Variants in ROS1 observed in about 807,000 individuals in gnomAD.
The protein encoded by ROS1 is ROS proto-oncogene 1, receptor tyrosine kinase.
ROS1 carries 263 observed loss-of-function variants against 273.5 expected under a neutral mutation model. The ratio of observed to expected loss-of-function variants is 0.96; its 90% CI spans 0.87 to 1.06. ROS1 has a LOEUF of 1.06. ROS1 is among the 50% of genes least tolerant of loss of function. The probability of loss-of-function intolerance (pLI) is 0.00; values close to 1 mark genes in which losing one functional copy is unlikely to be tolerated. For synonymous variants in ROS1, 1,008 were observed against 954.1 expected, an observed-to-expected ratio of 1.06 and a Z score of -1.04; for missense variants, 2,833 against 2,751.1, an observed-to-expected ratio of 1.03 and a Z score of -0.67.
intron 17 of ROS1, among the ~76,000 whole-genome samples, chr6:117,381,711 G>A (rs1459794355): frequency 6.6e-6 from 1 of 152,100 alleles, no homozygotes; most frequent in Non-Finnish European, 1.5e-5. Context: ...AAACATATGT[G>A]TGCAGGTGTC....
In ROS1 at chr6:117,417,940, T is replaced by C. The variant is rs530580246; in HGVS notation, c.168+522A>G. 5.8e-4 allele frequency among the ~76,000 whole-genome samples: 89 copies of C among 152,326 alleles called. 1 individual carries two copies. The highest frequency in any genetic ancestry group is 2.5e-3 in the South Asian group (12 of 4,828). On this transcript the variant is annotated intron_variant, in intron 2 of 43. Coordinates refer to ENST00000368507, the MANE Select transcript of ROS1 (RefSeq NM_001378902.1). Reference sequence around the variant, plus strand: ...TTCTGATGATGCTGTCTGGCCATAATTTTATGCATATGTCTGTCTCTCTGG... The same window carrying C: ...TTCTGATGATGCTGTCTGGCCATAACTTTATGCATATGTCTGTCTCTCTGG...
chr6:117,380,567 G>T lies in ROS1; in HGVS notation c.2482-1408C>A, dbSNP rs533480448. ...GTTATTTACAATGAGATACACTAGA[G>T]TTTCTACATTACAAATTAAGTCTAT... is the stretch of plus-strand genomic sequence containing the variant. On this transcript the variant is annotated intron_variant, in intron 17 of 43. Coordinates refer to ENST00000368507, the MANE Select transcript of ROS1 (RefSeq NM_001378902.1). Among the ~76,000 whole-genome samples the T allele has an allele frequency of 5.9e-5, 9 of 151,758 alleles. No individual in the cohort carries two copies. The East Asian group carries it at 1.7e-3, about 29-fold the overall frequency.
intron 18 of ROS1, among the ~76,000 whole-genome samples, chr6:117,369,481 G>A (rs1350152465): frequency 6.6e-6 from 1 of 152,074 alleles, no homozygotes; most frequent in Non-Finnish European, 1.5e-5. Context: ...GGCTGAGGCA[G>A]GAGAATGGCA....
At chr6:117,411,722 T>C (rs1250128290) in intron 4 of ROS1, among the ~76,000 whole-genome samples, 4 of 152,188 alleles carry the variant, frequency 2.6e-5, no homozygotes, top group African/African-American at 9.7e-5. Context: ...CCCTTAAAAA[T>C]TATTCATTCA....
At chr6:117,336,753 T>C (rs1020202208) in intron 32 of ROS1, among the ~76,000 whole-genome samples, 2 of 152,124 alleles carry the variant, frequency 1.3e-5, no homozygotes, top group African/African-American at 2.4e-5. Flanking sequence ...TCCATTCTTA[T>C]AGAGCTCATC....
intron 27 of ROS1, among the ~76,000 whole-genome samples, chr6:117,349,993 C>T (rs1031954971): frequency 6.6e-6 from 1 of 151,928 alleles, no homozygotes; most frequent in Non-Finnish European, 1.5e-5. Flanking sequence ...TATGTTATTG[C>T]TATTACTATT....
At chr6:117,294,407 T>C (rs185606177) in intron 43 of ROS1, among the ~76,000 whole-genome samples, 18 of 152,172 alleles carry the variant, frequency 1.2e-4, no homozygotes, top group African/African-American at 4.3e-4. Context: ...TTCCACAAAA[T>C]GTGTCTTCAA....
rs145850841 is a variant in ROS1, at chr6:117,409,762, G to A, written c.256-120C>T. Reference sequence around the variant, plus strand: ...GCAAGTATATCTTTGACCAATATACGAGTAAATCTTTGAAATCGGAGTGCC... The same window carrying A: ...GCAAGTATATCTTTGACCAATATACAAGTAAATCTTTGAAATCGGAGTGCC... On this transcript the variant is annotated intron_variant, in intron 4 of 43. Coordinates refer to ENST00000368507, the MANE Select transcript of ROS1 (RefSeq NM_001378902.1). 42 of 739,768 alleles carry A rather than the reference G, an allele frequency of 5.7e-5. No homozygotes were observed. In the African/African-American group the frequency reaches 6.0e-4, roughly 11 times the overall value. The allele number at this position is 739,768 out of a possible 1,614,324, so 45.8% of individuals were successfully genotyped here. A position where few individuals can be genotyped will look rare whatever the true frequency, so the allele number is the denominator to read the frequency against.
chr6:117,326,127 A>G (rs893052986), intron 34 of ROS1, 97 bp downstream of exon 34: 1 of 344,400 alleles, frequency 2.9e-6, no homozygotes, highest in Non-Finnish European at 5.0e-6. Context: ...ATATATATAT[A>G]GTCACCATTA....
chr6:117,340,674 A>C (rs1214952329), intron 31 of ROS1, among the ~76,000 whole-genome samples: 1 of 152,140 alleles, frequency 6.6e-6, no homozygotes, highest in Non-Finnish European at 1.5e-5. Context: ...AAAGTTTGCA[A>C]GCCAACAACA....
chr6:117,336,859 AT>A (rs561230665), intron 32 of ROS1, among the ~76,000 whole-genome samples: 58 of 152,254 alleles, frequency 3.8e-4, no homozygotes, highest in African/African-American at 1.3e-3. Flanking sequence ...GCCAATAAAT[AT>A]TTTTTGAACA....
chr6:117,389,275 T>A, intron 13 of ROS1, 75 bp downstream of exon 13: 1 of 1,493,634 alleles, frequency 6.7e-7, no homozygotes, highest in Non-Finnish European at 9.0e-7. Flanking sequence ...CAAAATTGAA[T>A]CACAACGCCA....
At chr6:117,303,284 CA>C (rs1242522572) in intron 42 of ROS1, among the ~76,000 whole-genome samples, 2 of 152,064 alleles carry the variant, frequency 1.3e-5, no homozygotes, top group Non-Finnish European at 2.9e-5. Context: ...AACAAATATA[CA>C]ATCACAAATT....
At chr6:117,414,361 T>C (rs1457911559) in intron 4 of ROS1, among the ~76,000 whole-genome samples, 158 bp downstream of exon 4, 2 of 152,184 alleles carry the variant, frequency 1.3e-5, no homozygotes, top group Admixed American at 1.3e-4. Context: ...AATGGAATTT[T>C]ACAGTCATCT....
chr6:117,414,515 TC>T lies in ROS1; in HGVS notation c.255+3del. 1 of 741,462 alleles carries T rather than the reference TC, an allele frequency of 1.3e-6. No homozygotes were observed. Among genetic ancestry groups the T allele is most frequent in the Non-Finnish European group, 2.4e-6 (1 of 408,340 alleles). The allele number at this position is 741,462 out of a possible 1,614,324, so 45.9% of individuals were successfully genotyped here. ...TTACATCTTTTTTGTGATTGCCAAC[TC>T]ACCTCACAAACGGTGGCATAAGTAT... is the stretch of plus-strand genomic sequence containing the variant. On this transcript the variant is annotated splice_donor_region_variant and intron_variant, in intron 4 of 43. Transcript: ENST00000368507.
Position 117,356,685 on chromosome 6 carries a change from GC to G in ROS1, c.4069del (p.Ala1357GlnfsTer26). The G allele has an allele frequency of 6.2e-7, 1 of 1,613,936 alleles. No individual in the cohort carries two copies. Among genetic ancestry groups the G allele is most frequent in the South Asian group, 1.1e-5 (1 of 90,924 alleles). On this transcript the variant is annotated frameshift_variant, in exon 26 of 44. Transcript: ENST00000368507. LOFTEE classifies it high-confidence loss of function. The part of the protein sequence containing the change: ...IYFAKAQEIW[A>X]MDLEGCQCWR... Reference sequence around the variant, plus strand: ...ACACTGACAGCCTTCCAGATCCATTGCCCAGATCTCTTGTGCTTTGGCAAAG... The same window carrying G: ...ACACTGACAGCCTTCCAGATCCATTGCCAGATCTCTTGTGCTTTGGCAAAG...
At position 117,326,401 on chromosome 6, in the gene ROS1, T is replaced by A. The variant is rs1461762268; in HGVS notation, c.5362A>T (p.Asn1788Tyr). Reference sequence around the variant, plus strand: ...CTTAAATTCTGGTTCTGTAAATTATTTGAAGTGCTCTTTCTGCAAAAAATA... The same window carrying A: ...CTTAAATTCTGGTTCTGTAAATTATATGAAGTGCTCTTTCTGCAAAAAATA... Reference protein sequence around the residue: ...YILEIRKSTSNNLQNQNLRWK... With the variant: ...YILEIRKSTSYNLQNQNLRWK... Residue 1788 changes from asparagine (N) to tyrosine (Y), a missense_variant, in exon 34 of 44, where the codon AAT becomes TAT. Asn to Tyr is a moderately radical substitution (Grantham distance 143). Coordinates refer to ENST00000368507, the MANE Select transcript of ROS1 (RefSeq NM_001378902.1). 1 of 1,545,350 alleles carries A rather than the reference T, an allele frequency of 6.5e-7. No individual in the cohort carries two copies. Among genetic ancestry groups the A allele is most frequent in the African/African-American group, 1.4e-5 (1 of 70,858 alleles).
At position 117,365,679 on chromosome 6, in the gene ROS1, C is replaced by G. The variant is rs1780156917; in HGVS notation, c.2860G>C (p.Glu954Gln). 6.2e-7 allele frequency: 1 copy of G among 1,612,022 alleles called. No individual in the cohort carries two copies. Among genetic ancestry groups the G allele is most frequent in the Non-Finnish European group, 8.5e-7 (1 of 1,178,920 alleles). ...ATTTGAAAACTTGAAGCATTTCCTTCAATCCTAAATGAAGACTCTTGAACA... is the reference window on the plus strand; with the variant it reads ...ATTTGAAAACTTGAAGCATTTCCTTGAATCCTAAATGAAGACTCTTGAACA... Reference protein sequence around the residue: ...DSVQESSFRIEGNASSFQILW... With the variant: ...DSVQESSFRIQGNASSFQILW... The change falls in exon 20 of 44, where the codon GAA becomes CAA. Residue 954 changes from glutamate (E) to glutamine (Q), a missense_variant. By Grantham distance (29) the Glu-to-Gln change is conservative. Coordinates refer to ENST00000368507, the MANE Select transcript of ROS1 (RefSeq NM_001378902.1).
chr6:117,403,015 A>G (rs1774078698), intron 7 of ROS1, 124 bp downstream of exon 7: 12 of 1,009,704 alleles, frequency 1.2e-5, no homozygotes, highest in Non-Finnish European at 1.7e-5. Context: ...ATAGTTATGT[A>G]CCCAGTTGTT....
Sources: gnomAD v4.1 joint callset for allele counts (sites outside exome capture counted in the v4.1 genomes callset) on GRCh38, gnomAD v4.1.1 for gene constraint, MANE v1.5 for transcripts, NCBI Gene and HGNC (gene_info 2026-07-23, HGNC 2026-07-21) for gene names.